Variants in ANKRD17 observed in about 807,000 individuals in gnomAD.
ANKRD17 encodes the protein ankyrin repeat domain-containing protein 17.
Under a neutral mutation model 229.7 loss-of-function variants are expected in ANKRD17, and 19 were observed. The observed-to-expected ratio is 0.08, with a 90% CI of 0.06 to 0.12. The LOEUF is 0.12. Ranked by LOEUF, ANKRD17 falls within the 10% of genes least tolerant of loss-of-function variation. ANKRD17 has a pLI of 1.00. For missense variants in ANKRD17, 2,176 were observed against 3,176.8 expected, an observed-to-expected ratio of 0.68 and a Z score of 7.57; for synonymous variants, 1,112 against 1,146.1, an observed-to-expected ratio of 0.97 and a Z score of 0.60.
At chr4:73,093,573 C>T (rs1427589663) in intron 28 of ANKRD17, among the ~76,000 whole-genome samples, 1 of 151,996 alleles carries the variant, frequency 6.6e-6, no homozygotes, top group African/African-American at 2.4e-5. Flanking sequence ...GACGGGGTTT[C>T]CCCATGTTGA....
chr4:73,179,505 TATATATATATA>T (rs1735216696), intron 1 of ANKRD17, among the ~76,000 whole-genome samples: 1 of 82,096 alleles, frequency 1.2e-5, no homozygotes, highest in Admixed American at 1.5e-4. Context: ...TATATATATA[TATATATATATA>T]TATTTTTTTT....
At chr4:73,192,000 T>C (rs1419016963) in intron 1 of ANKRD17, among the ~76,000 whole-genome samples, 2 of 152,042 alleles carry the variant, frequency 1.3e-5, no homozygotes, top group Admixed American at 6.5e-5. Flanking sequence ...AAATAAATTA[T>C]ATATGGAATA....
intron 1 of ANKRD17, among the ~76,000 whole-genome samples, chr4:73,252,114 C>T (rs1302471037): frequency 1.3e-5 from 2 of 152,178 alleles, no homozygotes; most frequent in Non-Finnish European, 1.5e-5. Flanking sequence ...ATGAGTTATT[C>T]TTACTACAGA....
chr4:73,100,764 CTTAAAATTTTCTGTAGTT>C, intron 25 of ANKRD17: 1 of 852,124 alleles, frequency 1.2e-6, no homozygotes, highest in East Asian at 1.2e-4. Flanking sequence ...CATATTAATC[CTTAAAATTTTCTGTAGTT>C]TGAAAATTTT....
At chr4:73,222,845 G>A (rs1428393297) in intron 1 of ANKRD17, 9 of 731,600 alleles carry the variant, frequency 1.2e-5, no homozygotes, top group East Asian at 8.1e-5. Flanking sequence ...AGGTCTGACC[G>A]TGTCTTGCTT....
At chr4:73,136,658 C>T (rs1728931807) in intron 15 of ANKRD17, among the ~76,000 whole-genome samples, 1 of 152,032 alleles carries the variant, frequency 6.6e-6, no homozygotes, top group Non-Finnish European at 1.5e-5. Context: ...GATATTGTTA[C>T]TCCATATTGA....
chr4:73,141,553 C>T (rs1729605917), intron 14 of ANKRD17, among the ~76,000 whole-genome samples, 188 bp downstream of exon 14: 1 of 152,196 alleles, frequency 6.6e-6, no homozygotes, highest in African/African-American at 2.4e-5. Context: ...CATGCTAAAA[C>T]TTCTAATTGT....
chr4:73,162,796 A>G (rs532525939), intron 2 of ANKRD17, among the ~76,000 whole-genome samples: 2 of 152,182 alleles, frequency 1.3e-5, no homozygotes, highest in Non-Finnish European at 2.9e-5. Context: ...TATTATTTTA[A>G]TTCAGTGGTG....
Position 73,258,270 on chromosome 4 carries a change from C to T in ANKRD17, c.393+6G>A, listed in dbSNP as rs755492243. 5 of 1,613,668 alleles carry T rather than the reference C, an allele frequency of 3.1e-6. No homozygotes were observed. The highest frequency in any genetic ancestry group is 4.2e-6 in the Non-Finnish European group (5 of 1,180,022). ...CTCCCTCCTTCCTTTGAAACCAGGC[C>T]CTTGCCTCAGAAACCTCCTCTTCCT... On this transcript the variant is annotated splice_donor_region_variant and intron_variant, in intron 1 of 33. Coordinates refer to ENST00000358602, the MANE Select transcript of ANKRD17 (RefSeq NM_032217.5).
intron 1 of ANKRD17, among the ~76,000 whole-genome samples, chr4:73,193,485 G>A (rs774971795): frequency 2.0e-5 from 3 of 152,154 alleles, no homozygotes; most frequent in Non-Finnish European, 4.4e-5. Flanking sequence ...GAAAGTTCCA[G>A]TTGCTACATA....
intron 1 of ANKRD17, among the ~76,000 whole-genome samples, chr4:73,213,842 T>C (rs1287565533): frequency 1.8e-4 from 28 of 152,104 alleles, no homozygotes. Context: ...TCATAGACTA[T>C]ATAAAATAAG....
At chr4:73,102,220 C>CA (rs1724101203) in intron 25 of ANKRD17, among the ~76,000 whole-genome samples, 156 bp downstream of exon 25, 1 of 152,156 alleles carries the variant, frequency 6.6e-6, no homozygotes, top group Non-Finnish European at 1.5e-5. Flanking sequence ...CTTGACCTGC[C>CA]ATAAAATGCT....
chr4:73,078,842 G>A lies in ANKRD17; in HGVS notation c.7208C>T (p.Ala2403Val). The part of the protein sequence containing the change: ...VSSGVRAPSP[A>V]PSSVPLGSEK... ...TGACCCTAACGGTACTGATGATGGG[G>A]CAGGAGATGGTGCACGAACTCCCGA... The change falls in exon 31 of 34, where the codon GCC (alanine) becomes GTC (valine). Residue 2403 changes from alanine to valine, a missense_variant. By Grantham distance (64) the Ala-to-Val change is moderately conservative. Transcript: ENST00000358602. 1.2e-6 allele frequency: 2 copies of A among 1,614,150 alleles called. No individual in the cohort carries two copies. The highest frequency in any genetic ancestry group is 1.7e-6 in the Non-Finnish European group (2 of 1,179,992).
intron 29 of ANKRD17, among the ~76,000 whole-genome samples, chr4:73,086,471 G>T (rs1315195425): frequency 6.6e-6 from 1 of 151,240 alleles, no homozygotes; most frequent in African/African-American, 2.4e-5. Context: ...TTTGAAATAT[G>T]TTCATTAAAA....
At position 73,216,786 on chromosome 4, in the gene ANKRD17, A is replaced by T. The variant is rs79152569; in HGVS notation, c.394-39253T>A. Among the ~76,000 whole-genome samples, 287 of 152,340 alleles carry T rather than the reference A, an allele frequency of 1.9e-3. 1 individual carries two copies. Among genetic ancestry groups the T allele is most frequent in the African/African-American group, 6.6e-3 (275 of 41,576 alleles). On this transcript the variant is annotated intron_variant, in intron 1 of 33. Coordinates refer to ENST00000358602, the MANE Select transcript of ANKRD17 (RefSeq NM_032217.5). The stretch of plus-strand genomic sequence containing the variant: ...CTATGTGCTATCCTACTTACAACAC[A>T]TATCCAACTAGTTAGAGTTCTGATT...
chr4:73,258,712 GC>G lies in ANKRD17; in HGVS notation c.-45del. 3 of 1,407,736 alleles carry G rather than the reference GC, an allele frequency of 2.1e-6. No homozygotes were observed. The highest frequency in any genetic ancestry group is 2.7e-6 in the Non-Finnish European group (3 of 1,092,572). 87.2% of individuals were successfully genotyped at this position (1,407,736 alleles called of 1,614,324 possible). On this transcript the variant is annotated 5_prime_UTR_variant, in exon 1 of 34. Coordinates refer to ENST00000358602, the MANE Select transcript of ANKRD17 (RefSeq NM_032217.5). ...GGCGCGGACGGGGGAGGGGCGTGGG[GC>G]TACGCTCTACCGCGACTTCGGCCGC...
chr4:73,121,047 T>C lies in ANKRD17; in HGVS notation c.3683A>G (p.Asn1228Ser). 1 of 1,613,866 alleles carries C rather than the reference T, an allele frequency of 6.2e-7. No individual in the cohort carries two copies. The highest frequency in any genetic ancestry group is 8.5e-7 in the Non-Finnish European group (1 of 1,179,874). The change falls in exon 20 of 34, where the codon AAT becomes AGT. Residue 1228 changes from asparagine (N) to serine (S), a missense_variant. Transcript: ENST00000358602. ...GISPLMLAAMNGHTAAVKLLL... is the reference protein window; with the variant it reads ...GISPLMLAAMSGHTAAVKLLL... ...GAGCTTAACAGCAGCTGTATGCCCATTCATAGCTGCTAACATCAGAGGAGA... is the reference window on the plus strand; with the variant it reads ...GAGCTTAACAGCAGCTGTATGCCCACTCATAGCTGCTAACATCAGAGGAGA...
At chr4:73,177,045 A>G (rs187425025) in intron 2 of ANKRD17, among the ~76,000 whole-genome samples, 1 of 152,338 alleles carries the variant, frequency 6.6e-6, no homozygotes, top group East Asian at 1.9e-4. Flanking sequence ...CACTTTATAC[A>G]TGCCTATGAA....
intron 27 of ANKRD17, among the ~76,000 whole-genome samples, chr4:73,096,728 TTAAAA>T (rs1196850480): frequency 5.9e-5 from 9 of 152,224 alleles, no homozygotes; most frequent in African/African-American, 1.9e-4. Context: ...CCTGAAACCC[TTAAAA>T]TAAAGTTATC....
Sources: gnomAD v4.1 joint callset for allele counts (sites outside exome capture counted in the v4.1 genomes callset) on GRCh38, gnomAD v4.1.1 for gene constraint, MANE v1.5 for transcripts, NCBI Gene and HGNC (gene_info 2026-07-23, HGNC 2026-07-21) for gene names.